The following VAV2 variants were observed in gnomAD, a reference collection of about 807,000 sequenced individuals.
VAV2 encodes the protein guanine nucleotide exchange factor VAV2.
VAV2 carries 67 observed loss-of-function variants against 132.5 expected under a neutral mutation model. That is an observed-to-expected ratio of 0.51 (90% CI 0.42 to 0.62). VAV2 has a LOEUF of 0.62. VAV2 is among the 20% of genes least tolerant of loss of function. The probability of loss-of-function intolerance (pLI) is 0.00; values close to 1 mark genes in which losing one functional copy is unlikely to be tolerated. For synonymous variants in VAV2, 492 were observed against 443.5 expected (o/e 1.11, Z -1.37); for missense variants, 938 against 1,153.6 (o/e 0.81, Z 2.71).
rs1208133155 is a variant in VAV2, at chr9:133,888,157, G to A, written c.322-26725C>T. On this transcript the variant is annotated intron_variant, in intron 2 of 29. Coordinates refer to ENST00000371850, the MANE Select transcript of VAV2 (RefSeq NM_001134398.2). ...TCTCTTACATGAGGCCCCTGGAGCC[G>A]GCAGACTCACGCAGACAGCAAGCAG... is the stretch of plus-strand genomic sequence containing the variant. Among the ~76,000 whole-genome samples, 5 of 152,158 alleles carry A rather than the reference G, an allele frequency of 3.3e-5. No individual in the cohort carries two copies. The East Asian group carries it at 5.8e-4, about 18-fold the overall frequency.
chr9:133,812,514 C>T (rs912463793), intron 4 of VAV2, among the ~76,000 whole-genome samples: 4 of 152,204 alleles, frequency 2.6e-5, no homozygotes, highest in Non-Finnish European at 5.9e-5. Context: ...ATGCTGGGGA[C>T]GTAGGCCAGA....
At chr9:133,979,837 C>T (rs1356857434) in intron 1 of VAV2, among the ~76,000 whole-genome samples, 5 of 152,216 alleles carry the variant, frequency 3.3e-5, no homozygotes, top group African/African-American at 9.6e-5. Flanking sequence ...CGCACCCCAC[C>T]GCCCTGTCAC....
intron 2 of VAV2, among the ~76,000 whole-genome samples, chr9:133,878,764 C>T (rs1042473781): frequency 6.6e-6 from 1 of 152,182 alleles, no homozygotes; most frequent in Non-Finnish European, 1.5e-5. Context: ...CAGGGGGTCC[C>T]GATCCAGCCA....
chr9:133,888,045 G>T (rs750962612), intron 2 of VAV2, among the ~76,000 whole-genome samples: 1 of 152,210 alleles, frequency 6.6e-6, no homozygotes, highest in African/African-American at 2.4e-5. Context: ...CCCCTTGGAT[G>T]AGCCTTGAGG....
intron 2 of VAV2, among the ~76,000 whole-genome samples, chr9:133,936,539 G>A (rs149848088): frequency 2.0e-4 from 30 of 152,220 alleles, no homozygotes; most frequent in African/African-American, 5.5e-4. Flanking sequence ...CACCATGCCC[G>A]ACCCAGCCAT....
Position 133,961,489 on chromosome 9 carries a change from G to A in VAV2, c.205-22270C>T, listed in dbSNP as rs1376031488. ...CCTTCTCCAACCCAGTCGGGTTTCA[G>A]TGACCCAAGGTCAGAGGCATGGAGG... is the stretch of plus-strand genomic sequence containing the variant. On this transcript the variant is annotated intron_variant, in intron 1 of 29. Transcript: ENST00000371850. The surrounding 1 kb of genome is among the most constrained non-coding windows in gnomAD (Gnocchi z 4.1). 6.6e-6 allele frequency among the ~76,000 whole-genome samples: 1 copy of A among 152,160 alleles called. No homozygotes were observed. The highest frequency in any genetic ancestry group is 1.9e-4 in the East Asian group (1 of 5,174).
intron 7 of VAV2, among the ~76,000 whole-genome samples, chr9:133,808,577 G>C (rs113101773): frequency 3.3e-5 from 5 of 152,340 alleles, no homozygotes; most frequent in African/African-American, 9.6e-5. Flanking sequence ...TGGGCAAGGA[G>C]CTTGGAGTCT....
chr9:133,893,117 C>T (rs1839046394), intron 2 of VAV2, among the ~76,000 whole-genome samples: 1 of 152,284 alleles, frequency 6.6e-6, no homozygotes, highest in Non-Finnish European at 1.5e-5. Flanking sequence ...GCTCTGAGTC[C>T]GATCTGGGCA....
chr9:133,802,287 CACAT>C lies in VAV2; in HGVS notation c.836+3790_836+3793del, dbSNP rs1834958938. ...GGGCACACATGTATGCACACACACACACATGCATGTGCACACAAACACACAAGCA... is the reference window on the plus strand; with the variant it reads ...GGGCACACATGTATGCACACACACACGCATGTGCACACAAACACACAAGCA... On this transcript the variant is annotated intron_variant, in intron 9 of 29. Coordinates refer to ENST00000371850, the MANE Select transcript of VAV2 (RefSeq NM_001134398.2). The surrounding 1 kb of genome is among the most constrained non-coding windows in gnomAD (Gnocchi z 5.8). Among the ~76,000 whole-genome samples the C allele has an allele frequency of 6.6e-6, 1 of 151,528 alleles. No homozygotes were observed. The highest frequency in any genetic ancestry group is 2.4e-5 in the African/African-American group (1 of 41,240).
In VAV2 at chr9:133,794,553, G is replaced by A. The variant is rs1834630368; in HGVS notation, c.1101+1115C>T. Among the ~76,000 whole-genome samples, 1 of 152,150 alleles carries A rather than the reference G, an allele frequency of 6.6e-6. No homozygotes were observed. The highest frequency in any genetic ancestry group is 6.5e-5 in the Admixed American group (1 of 15,288). On this transcript the variant is annotated intron_variant, in intron 12 of 29. Coordinates refer to ENST00000371850, the MANE Select transcript of VAV2 (RefSeq NM_001134398.2). This position sits in a 1 kb window ranked among gnomAD's most constrained non-coding sequence, Gnocchi z 4.6. ...GATTACAGCCCCTCCCCCACCCAGA[G>A]GGAGCTCCTTAAATGAGGTACCTGG...
intron 2 of VAV2, among the ~76,000 whole-genome samples, chr9:133,870,923 G>C (rs1483460466): frequency 7.7e-6 from 1 of 129,932 alleles, no homozygotes; most frequent in Non-Finnish European, 1.6e-5. Context: ...TGGATGGATG[G>C]ATGGATGAGT....
chr9:133,927,534 G>GCA (rs964260436), intron 2 of VAV2, among the ~76,000 whole-genome samples: 3 of 152,112 alleles, frequency 2.0e-5, no homozygotes, highest in Admixed American at 2.0e-4. Flanking sequence ...GTGGGGCCTG[G>GCA]CATTCACTGA....
At chr9:133,873,293 G>A (rs1016464624) in intron 2 of VAV2, among the ~76,000 whole-genome samples, 11 of 152,154 alleles carry the variant, frequency 7.2e-5, no homozygotes, top group African/African-American at 1.9e-4. Flanking sequence ...CAAGTCCTAA[G>A]CCTGCCACGG....
At chr9:133,836,143 C>T (rs935072292) in intron 3 of VAV2, among the ~76,000 whole-genome samples, 1 of 152,338 alleles carries the variant, frequency 6.6e-6, no homozygotes, top group African/African-American at 2.4e-5. Context: ...TATGCAGAGC[C>T]CCATGCCGAC....
intron 2 of VAV2, among the ~76,000 whole-genome samples, chr9:133,923,689 C>T (rs1424525766): frequency 6.6e-6 from 1 of 152,134 alleles, no homozygotes; most frequent in African/African-American, 2.4e-5. Flanking sequence ...GACACATGCA[C>T]ATGTATATTT....
intron 2 of VAV2, among the ~76,000 whole-genome samples, chr9:133,873,975 C>A (rs1268442607): frequency 6.6e-6 from 1 of 152,190 alleles, no homozygotes; most frequent in Non-Finnish European, 1.5e-5. Context: ...CCTGCCAGAT[C>A]TTTCCCAGGT....
intron 1 of VAV2, among the ~76,000 whole-genome samples, chr9:133,949,089 C>T (rs1211559851): frequency 1.3e-5 from 2 of 152,194 alleles, no homozygotes; most frequent in Non-Finnish European, 2.9e-5. Flanking sequence ...GAGAAACATG[C>T]TCCTCCCTTA....
At chr9:133,862,655 T>C (rs1247411622) in intron 2 of VAV2, among the ~76,000 whole-genome samples, 2 of 152,146 alleles carry the variant, frequency 1.3e-5, no homozygotes, top group Non-Finnish European at 2.9e-5. Context: ...ATAGACACCC[T>C]CCACTGGGTG....
chr9:133,832,893 G>C (rs1836317847), intron 4 of VAV2, among the ~76,000 whole-genome samples: 1 of 152,056 alleles, frequency 6.6e-6, no homozygotes, highest in Non-Finnish European at 1.5e-5. Context: ...TCCTGAGGCT[G>C]GTCAGGGTGG....
Sources: allele counts gnomAD v4.1 joint callset (sites outside exome capture counted in the v4.1 genomes callset), GRCh38; gene constraint gnomAD v4.1.1; non-coding constraint Gnocchi (gnomAD v3.1); transcripts MANE v1.5; gene names NCBI Gene and HGNC (gene_info 2026-07-23, HGNC 2026-07-21).